Variants in PNPLA1 observed in about 807,000 individuals in gnomAD.
PNPLA1 encodes patatin like domain 1, omega-hydroxyceramide transacylase, also known as omega-hydroxyceramide transacylase.
PNPLA1 carries 36 observed loss-of-function variants against 51.7 expected under a neutral mutation model. The ratio of observed to expected loss-of-function variants is 0.70; its 90% CI spans 0.53 to 0.92. The LOEUF is 0.92. Ranked by LOEUF, PNPLA1 falls within the 40% of genes least tolerant of loss-of-function variation. The probability of loss-of-function intolerance (pLI) is 0.00; values close to 1 mark genes in which losing one functional copy is unlikely to be tolerated. For synonymous variants in PNPLA1, 293 were observed against 280.1 expected, an observed-to-expected ratio of 1.05 and a Z score of -0.46; for missense variants, 658 against 682.5, an observed-to-expected ratio of 0.96 and a Z score of 0.40.
chr6:36,267,403 G>A (rs76474606), upstream of PNPLA1, among the ~76,000 whole-genome samples: 592 of 152,294 alleles, frequency 3.9e-3, 5 homozygotes, highest in African/African-American at 0.014. Flanking sequence ...GCTCCTCCAC[G>A]GCCTTGCTGG....
At position 36,313,343 on chromosome 6, in the gene PNPLA1, G is replaced by T. The variant is rs1209207357; in HGVS notation, c.*1457G>T. Reference sequence around the variant, plus strand: ...AGAGAGCAGACAACCTCCAGGTCCCGCCAGGCCCAGCAAGGAAGCCCCAGC... The same window carrying T: ...AGAGAGCAGACAACCTCCAGGTCCCTCCAGGCCCAGCAAGGAAGCCCCAGC... On this transcript the variant is annotated 3_prime_UTR_variant, in exon 9 of 9. Transcript: ENST00000636260. Among the ~76,000 whole-genome samples the T allele has an allele frequency of 1.3e-5, 2 of 152,190 alleles. No individual in the cohort carries two copies. Among genetic ancestry groups the T allele is most frequent in the East Asian group, 3.9e-4 (2 of 5,180 alleles).
chr6:36,303,840 T>C (rs971306455), intron 6 of PNPLA1, among the ~76,000 whole-genome samples: 1 of 152,086 alleles, frequency 6.6e-6, no homozygotes, highest in African/African-American at 2.4e-5. Context: ...TTAAAAAATA[T>C]ATATATATCA....
upstream of PNPLA1, among the ~76,000 whole-genome samples, chr6:36,267,252 G>A (rs9986333): frequency 4.4e-3 from 671 of 152,322 alleles, 5 homozygotes; most frequent in African/African-American, 0.015. Context: ...TGAGTAGAGG[G>A]TCAGGAACCA....
At chr6:36,311,378 G>A (rs1334168404) in intron 8 of PNPLA1, among the ~76,000 whole-genome samples, 1 of 152,222 alleles carries the variant, frequency 6.6e-6, no homozygotes, top group Admixed American at 6.5e-5. Flanking sequence ...TATGCAAGCA[G>A]TTAACTGCAG....
At chr6:36,295,954 G>T (rs1770846200) in intron 5 of PNPLA1, among the ~76,000 whole-genome samples, 1 of 152,194 alleles carries the variant, frequency 6.6e-6, no homozygotes, top group African/African-American at 2.4e-5. Context: ...TATCAGGGTG[G>T]AAGAAACAAT....
intron 1 of PNPLA1, among the ~76,000 whole-genome samples, chr6:36,290,187 A>G (rs1198031596): frequency 6.6e-6 from 1 of 152,216 alleles, no homozygotes; most frequent in Non-Finnish European, 1.5e-5. Context: ...GACACTAACC[A>G]TAAGAAAGTT....
chr6:36,284,233 A>T (rs969938686), intron 1 of PNPLA1, among the ~76,000 whole-genome samples: 4 of 152,268 alleles, frequency 2.6e-5, no homozygotes, highest in African/African-American at 9.6e-5. Flanking sequence ...TGTTTCCATG[A>T]CAATCGGATA....
At chr6:36,273,728 CAAA>C (rs57186870) in intron 1 of PNPLA1, among the ~76,000 whole-genome samples, 550 of 48,222 alleles carry the variant, frequency 0.011, 3 homozygotes, top group Non-Finnish European at 0.012. Flanking sequence ...GACCCCATCG[CAAA>C]AAAAAAAAAA....
chr6:36,300,175 G>GTGTGTGTGTGTGTGTGTGTGTT, intron 5 of PNPLA1, among the ~76,000 whole-genome samples: 1 of 120,990 alleles, frequency 8.3e-6, no homozygotes, highest in East Asian at 2.2e-4. Flanking sequence ...GTGTGTGTGT[G>GTGTGTGTGTGTGTGTGTGTGTT]TGTGAGAGAG....
At chr6:36,252,269 G>T (rs893660212) in intron 1 of PNPLA1, among the ~76,000 whole-genome samples, 2 of 152,190 alleles carry the variant, frequency 1.3e-5, no homozygotes, top group Admixed American at 6.5e-5. Context: ...GGGCTTTCTA[G>T]AAAGGGTTTT....
Position 36,294,127 on chromosome 6 carries a change from T to C in PNPLA1, c.505-63T>C, listed in dbSNP as rs1770776555. On this transcript the variant is annotated intron_variant, in intron 3 of 8. Transcript: ENST00000636260. This position sits in a 1 kb window ranked among gnomAD's most constrained non-coding sequence, Gnocchi z 4.2. ...TGCCATATCCCATGGGCCATTTCGA[T>C]GTACCCCGAGTGGGGCTGAGAACTC... is the stretch of plus-strand genomic sequence containing the variant. 1 of 1,583,412 alleles carries C rather than the reference T, an allele frequency of 6.3e-7. No homozygotes were observed. The highest frequency in any genetic ancestry group is 1.3e-5 in the African/African-American group (1 of 74,394).
chr6:36,300,319 C>T (rs1026494051), intron 5 of PNPLA1, among the ~76,000 whole-genome samples: 8 of 151,030 alleles, frequency 5.3e-5, no homozygotes, highest in Non-Finnish European at 8.8e-5. Context: ...CTCAGCCTCC[C>T]GAGTAGCTGG....
chr6:36,274,644 C>T (rs2088895184), intron 1 of PNPLA1, among the ~76,000 whole-genome samples: 1 of 152,164 alleles, frequency 6.6e-6, no homozygotes, highest in Non-Finnish European at 1.5e-5. Context: ...AAGTTACTCT[C>T]CAAAGCAGTT....
At chr6:36,285,212 T>A (rs1007257147) in intron 1 of PNPLA1, among the ~76,000 whole-genome samples, 7 of 152,154 alleles carry the variant, frequency 4.6e-5, no homozygotes, top group African/African-American at 1.7e-4. Flanking sequence ...CATGCAGGGA[T>A]TCTGAGCATT....
chr6:36,262,920 T>C (rs1247356667), intron 1 of PNPLA1, among the ~76,000 whole-genome samples: 2 of 152,348 alleles, frequency 1.3e-5, no homozygotes, highest in East Asian at 1.9e-4. Flanking sequence ...TATTTAAAAA[T>C]TCTTTGCATA....
intron 8 of PNPLA1, among the ~76,000 whole-genome samples, chr6:36,310,545 T>C (rs1426611297): frequency 6.6e-6 from 1 of 152,230 alleles, no homozygotes; most frequent in Non-Finnish European, 1.5e-5. Context: ...TCTATGGAAT[T>C]TCCCCCATTC....
chr6:36,281,603 T>C (rs75414134), intron 1 of PNPLA1, among the ~76,000 whole-genome samples: 5,234 of 152,280 alleles, frequency 0.034, 130 homozygotes, highest in Middle Eastern at 0.14. Flanking sequence ...AAGACTGGGA[T>C]TTCTCTAAAT....
chr6:36,306,477 G>C (rs1231305311), intron 7 of PNPLA1, 101 bp downstream of exon 7: 7 of 1,058,360 alleles, frequency 6.6e-6, no homozygotes, highest in Non-Finnish European at 9.7e-6. Context: ...AGGAACTCTG[G>C]GATCCTTTTC....
intron 1 of PNPLA1, among the ~76,000 whole-genome samples, chr6:36,282,409 T>C (rs35020151): frequency 0.036 from 5,529 of 152,326 alleles, 130 homozygotes; most frequent in Middle Eastern, 0.14. Flanking sequence ...GAACTTATGC[T>C]TTACATGTTT....
Sources: allele counts gnomAD v4.1 joint callset (sites outside exome capture counted in the v4.1 genomes callset), GRCh38; gene constraint gnomAD v4.1.1; non-coding constraint Gnocchi (gnomAD v3.1); transcripts MANE v1.5; gene names NCBI Gene and HGNC (gene_info 2026-07-23, HGNC 2026-07-21).